Variants in PRKG1 observed in about 807,000 individuals in gnomAD.
PRKG1 encodes protein kinase cGMP-dependent 1.
Under a neutral mutation model 88.1 loss-of-function variants are expected in PRKG1, and 35 were observed. That is an observed-to-expected ratio of 0.40 (90% CI 0.30 to 0.53). The LOEUF is 0.53. PRKG1 is among the 20% of genes least tolerant of loss of function. The pLI, the probability that PRKG1 is intolerant of heterozygous loss-of-function variation, is 0.59. For missense variants in PRKG1, 540 were observed against 839.8 expected, an observed-to-expected ratio of 0.64 and a Z score of 4.41; for synonymous variants, 303 against 292.5, an observed-to-expected ratio of 1.04 and a Z score of -0.37.
chr10:51,735,877 A>T (rs376845697), intron 3 of PRKG1, among the ~76,000 whole-genome samples: 51,240 of 114,366 alleles, frequency 0.45, 11,660 homozygotes, highest in Middle Eastern at 0.51. Context: ...ATATATATAT[A>T]TATGTATATT....
chr10:51,953,704 A>T (rs139080160), intron 5 of PRKG1, among the ~76,000 whole-genome samples: 10 of 152,134 alleles, frequency 6.6e-5, no homozygotes, highest in Admixed American at 4.6e-4. Flanking sequence ...GAAACACCAT[A>T]TTGTGTGTGC....
intron 2 of PRKG1, among the ~76,000 whole-genome samples, chr10:51,218,057 T>C (rs1451918126): frequency 6.6e-6 from 1 of 152,156 alleles, no homozygotes; most frequent in Non-Finnish European, 1.5e-5. Context: ...TACTTTGTAA[T>C]GTAAATGAAC....
intron 3 of PRKG1, among the ~76,000 whole-genome samples, chr10:51,727,087 CAT>C (rs1443515958): frequency 6.6e-6 from 1 of 151,890 alleles, no homozygotes; most frequent in Admixed American, 6.6e-5. Context: ...CCTAGTCTGA[CAT>C]ATTTTTATGG....
chr10:51,774,737 A>G (rs1589276222), intron 3 of PRKG1, among the ~76,000 whole-genome samples: 1 of 152,142 alleles, frequency 6.6e-6, no homozygotes, highest in African/African-American at 2.4e-5. Context: ...AGTTCTGGAA[A>G]CTGTGTCCCA....
chr10:51,435,251 T>C (rs1838889580), intron 2 of PRKG1, among the ~76,000 whole-genome samples: 1 of 151,832 alleles, frequency 6.6e-6, no homozygotes, highest in Non-Finnish European at 1.5e-5. Flanking sequence ...TGTTTGCTTG[T>C]TTGTTTGTTT....
At chr10:51,985,238 C>A (rs1297111517) in intron 5 of PRKG1, among the ~76,000 whole-genome samples, 2 of 152,058 alleles carry the variant, frequency 1.3e-5, no homozygotes, top group South Asian at 4.1e-4. Flanking sequence ...AGCCCAGGAG[C>A]AAAAGTGCTT....
Position 52,251,564 on chromosome 10 carries a change from A to G in PRKG1, c.1077-6A>G. 1 of 1,612,640 alleles carries G rather than the reference A, an allele frequency of 6.2e-7. No homozygotes were observed. Reference sequence around the variant, plus strand: ...AATTTCCATTTTTTCACATCAAAAAATCCAGATATGAAGCTGAAGCGGCTT... The same window carrying G: ...AATTTCCATTTTTTCACATCAAAAAGTCCAGATATGAAGCTGAAGCGGCTT... On this transcript the variant is annotated splice_polypyrimidine_tract_variant and splice_region_variant and intron_variant, in intron 9 of 17. Coordinates refer to ENST00000373980, the MANE Select transcript of PRKG1 (RefSeq NM_006258.4).
intron 2 of PRKG1, among the ~76,000 whole-genome samples, chr10:51,412,598 T>C (rs1041327717): frequency 6.6e-6 from 1 of 152,010 alleles, no homozygotes; most frequent in Non-Finnish European, 1.5e-5. Flanking sequence ...GAGCCAAGAT[T>C]GTACCATTGC....
chr10:51,383,488 G>A (rs1248103815), intron 2 of PRKG1, among the ~76,000 whole-genome samples: 4 of 152,164 alleles, frequency 2.6e-5, no homozygotes, highest in African/African-American at 9.7e-5. Flanking sequence ...GGGGCTATTA[G>A]TATAATTACC....
chr10:51,930,930 G>C (rs1842681071), intron 5 of PRKG1, among the ~76,000 whole-genome samples: 1 of 152,120 alleles, frequency 6.6e-6, no homozygotes, highest in South Asian at 2.1e-4. Flanking sequence ...TCAAAATATT[G>C]TTAGGTTTCT....
intron 4 of PRKG1, among the ~76,000 whole-genome samples, chr10:51,859,972 G>A (rs772989590): frequency 6.6e-5 from 10 of 152,250 alleles, no homozygotes; most frequent in African/African-American, 9.6e-5. Flanking sequence ...ATAGTTCTAC[G>A]TATGTTACAT....
At chr10:51,698,696 G>A (rs61746484) in intron 3 of PRKG1, 1 of 1,614,202 alleles carries the variant, frequency 6.2e-7, no homozygotes, top group East Asian at 2.2e-5. Flanking sequence ...GGGCTGCATT[G>A]CTCCTCCAGG....
Position 51,491,897 on chromosome 10 carries a change from T to C in PRKG1, c.592+24061T>C, listed in dbSNP as rs567597241. Among the ~76,000 whole-genome samples, 14 of 152,274 alleles carry C rather than the reference T, an allele frequency of 9.2e-5. No individual in the cohort carries two copies. The South Asian group carries it at 2.9e-3, about 32-fold the overall frequency. On this transcript the variant is annotated intron_variant, in intron 3 of 17. Transcript: ENST00000373980. The stretch of plus-strand genomic sequence containing the variant: ...TGTAGAAGTCTTGTAGAAGTCATCC[T>C]ATTTTGCTTGTTTTTCTCCTCTAAA...
At chr10:51,481,567 G>A (rs1589002023) in intron 3 of PRKG1, among the ~76,000 whole-genome samples, 1 of 152,024 alleles carries the variant, frequency 6.6e-6, no homozygotes, top group Admixed American at 6.6e-5. Flanking sequence ...TGGTTCAATA[G>A]AATACATTAT....
At chr10:51,657,382 T>C (rs1432292562) in intron 3 of PRKG1, among the ~76,000 whole-genome samples, 1 of 152,148 alleles carries the variant, frequency 6.6e-6, no homozygotes, top group Non-Finnish European at 1.5e-5. Context: ...ATAGTAAGCA[T>C]GGATACAGAA....
rs1229676940 is a variant in PRKG1 at position 52,296,076 on chromosome 10, T to A, written c.*2176T>A. ...AAAATATGTAATTCCAATATTATAG[T>A]GAATGTTCAGTAACTTTTGTTGAAA... is the stretch of plus-strand genomic sequence containing the variant. On this transcript the variant is annotated 3_prime_UTR_variant, in exon 18 of 18. Transcript: ENST00000373980. 1 of 152,078 alleles carries A rather than the reference T, an allele frequency of 6.6e-6. No homozygotes were observed. The highest frequency in any genetic ancestry group is 1.5e-5 in the Non-Finnish European group (1 of 67,942). The allele number at this position is 152,078 out of a possible 1,614,324, so 9.4% of individuals were successfully genotyped here. A position where few individuals can be genotyped will look rare whatever the true frequency, so the allele number is the denominator to read the frequency against.
At chr10:51,370,456 A>AAGAAAGAGAGAGAGAGAAAGAGAC (rs1564465178) in intron 2 of PRKG1, among the ~76,000 whole-genome samples, 1 of 150,986 alleles carries the variant, frequency 6.6e-6, no homozygotes, top group Non-Finnish European at 1.5e-5. Context: ...ATATGGGGTT[A>AAGAAAGAGAGAGAGAGAAAGAGAC]AGAAAGAGAG....
Position 51,014,614 on chromosome 10 carries a change from C to G in PRKG1, c.266+22970C>G, listed in dbSNP as rs151320474. Among the ~76,000 whole-genome samples the G allele has an allele frequency of 6.7e-3, 1,027 of 152,160 alleles. 4 individuals carry two copies. The highest frequency in any genetic ancestry group is 0.017 in the Middle Eastern group (5 of 294). ...TGCAGGTATCACAGGTCACTTTGGTCTTACTGCACAAATTACTGAAGGCAG... is the reference window on the plus strand; with the variant it reads ...TGCAGGTATCACAGGTCACTTTGGTGTTACTGCACAAATTACTGAAGGCAG... On this transcript the variant is annotated intron_variant, in intron 1 of 17. Coordinates refer to the PRKG1 transcript ENST00000401604.
chr10:51,100,399 C>A (rs1844649575), intron 1 of PRKG1, among the ~76,000 whole-genome samples: 1 of 152,104 alleles, frequency 6.6e-6, no homozygotes, highest in Non-Finnish European at 1.5e-5. Context: ...CACACTCAGC[C>A]ACTCAAAAGT....
Sources: gnomAD v4.1 joint callset for allele counts (sites outside exome capture counted in the v4.1 genomes callset) on GRCh38, gnomAD v4.1.1 for gene constraint, MANE v1.5 for transcripts, NCBI Gene and HGNC (gene_info 2026-07-23, HGNC 2026-07-21) for gene names.